RAB38: variants seen among roughly 807,000 people sequenced by gnomAD.
RAB38 encodes the protein RAB38, member RAS oncogene family, also known as ras-related protein Rab-38.
Under a neutral mutation model 18.4 loss-of-function variants are expected in RAB38, and 15 were observed. The ratio of observed to expected loss-of-function variants is 0.82; its 90% CI spans 0.55 to 1.26. The LOEUF (loss-of-function observed/expected upper bound fraction) is 1.26. Ranked by LOEUF, RAB38 falls within the 50% of genes most tolerant of loss-of-function variation. The probability of loss-of-function intolerance (pLI) is 0.00; values close to 1 mark genes in which losing one functional copy is unlikely to be tolerated. For missense variants in RAB38, 294 were observed against 267.4 expected (o/e 1.10, Z -0.69); for synonymous variants, 101 against 104.4 (o/e 0.97, Z 0.20).
intron 1 of RAB38, among the ~76,000 whole-genome samples, chr11:88,157,181 C>A (rs1943137620): frequency 1.3e-5 from 2 of 152,118 alleles, no homozygotes; most frequent in Non-Finnish European, 2.9e-5. Flanking sequence ...CAAAAAAGAG[C>A]CCAGGTTGTC....
chr11:88,135,974 T>C (rs1045300664), intron 2 of RAB38, among the ~76,000 whole-genome samples: 2 of 152,216 alleles, frequency 1.3e-5, no homozygotes, highest in African/African-American at 4.8e-5. Flanking sequence ...AAGAGAGAAC[T>C]TCTTTCCTCC....
At chr11:87,848,912 C>T in the RAB38 span, among the ~76,000 whole-genome samples, 1 of 152,016 alleles carries the variant, frequency 6.6e-6, no homozygotes, top group Non-Finnish European at 1.5e-5. Context: ...TAATGCCAAC[C>T]CCAATGTGGC....
chr11:88,046,181 C>T, the RAB38 span, among the ~76,000 whole-genome samples: 1 of 152,156 alleles, frequency 6.6e-6, no homozygotes, highest in Admixed American at 6.5e-5. Flanking sequence ...AATATCCCAT[C>T]CCGCAGCACG....
At chr11:88,106,904 T>C in the RAB38 span, among the ~76,000 whole-genome samples, 1 of 152,156 alleles carries the variant, frequency 6.6e-6, no homozygotes, top group Non-Finnish European at 1.5e-5. Flanking sequence ...TTTAAATTCA[T>C]ACAAAATGCT....
At chr11:88,174,025 C>A in intron 1 of RAB38, 1 of 985,408 alleles carries the variant, frequency 1.0e-6, no homozygotes, top group African/African-American at 1.7e-5. Flanking sequence ...GGGTCCAGCA[C>A]TTATAACGAA....
chr11:88,020,012 G>A, the RAB38 span, among the ~76,000 whole-genome samples: 2 of 152,138 alleles, frequency 1.3e-5, 1 homozygote, highest in Non-Finnish European at 2.9e-5. Flanking sequence ...CTCATTTAAT[G>A]AGTATATATG....
At chr11:87,811,465 C>T in the RAB38 span, among the ~76,000 whole-genome samples, 2 of 152,144 alleles carry the variant, frequency 1.3e-5, no homozygotes, top group African/African-American at 4.8e-5. Context: ...ACACAATTGG[C>T]CTCTTCTTAC....
chr11:87,818,048 C>T, the RAB38 span, among the ~76,000 whole-genome samples: 9 of 152,102 alleles, frequency 5.9e-5, no homozygotes, highest in African/African-American at 2.2e-4. Context: ...AATCTTTTGT[C>T]CCATACTATT....
intron 2 of RAB38, among the ~76,000 whole-genome samples, chr11:88,146,827 C>T (rs2134822214): frequency 6.6e-6 from 1 of 152,232 alleles, no homozygotes; most frequent in East Asian, 1.9e-4. Flanking sequence ...ACAATAAGGC[C>T]TTGTACTCTC....
intron 1 of RAB38, chr11:88,167,160 G>A (rs1449561263): frequency 6.6e-6 from 1 of 152,130 alleles, no homozygotes; most frequent in African/African-American, 2.4e-5. Flanking sequence ...GATATTGATA[G>A]AGTGAAAAGG....
chr11:88,047,750 C>T, the RAB38 span, among the ~76,000 whole-genome samples: 4 of 152,150 alleles, frequency 2.6e-5, no homozygotes, highest in African/African-American at 4.8e-5. Context: ...ATGCTTATGC[C>T]GGTAAGATAG....
At chr11:87,924,805 C>T in the RAB38 span, among the ~76,000 whole-genome samples, 5 of 151,962 alleles carry the variant, frequency 3.3e-5, no homozygotes, top group African/African-American at 1.2e-4. Context: ...AAACCAATGC[C>T]TACCTTATTC....
the RAB38 span, among the ~76,000 whole-genome samples, chr11:88,104,908 C>T: frequency 6.6e-6 from 1 of 152,092 alleles, no homozygotes; most frequent in Non-Finnish European, 1.5e-5. Context: ...AATCATTTAT[C>T]AAATCCCTTC....
the RAB38 span, among the ~76,000 whole-genome samples, chr11:88,054,830 A>G: frequency 8.7e-3 from 1,331 of 152,336 alleles, 18 homozygotes; most frequent in African/African-American, 0.031. Flanking sequence ...GTAATTGCAC[A>G]GCGTTATCAG....
chr11:87,958,525 T>A, the RAB38 span, among the ~76,000 whole-genome samples: 8 of 152,232 alleles, frequency 5.3e-5, no homozygotes, highest in African/African-American at 1.9e-4. Flanking sequence ...GCGAGGCTCT[T>A]AGCAATGTTA....
the RAB38 span, chr11:87,817,313 A>C: frequency 6.6e-6 from 1 of 152,166 alleles, no homozygotes; most frequent in Non-Finnish European, 1.5e-5. Flanking sequence ...GATAATTTTC[A>C]ATGTATTCAT....
At chr11:88,059,168 G>A in the RAB38 span, among the ~76,000 whole-genome samples, 2 of 82,192 alleles carry the variant, frequency 2.4e-5, no homozygotes, top group African/African-American at 1.1e-4. Context: ...AGTGTTGTGG[G>A]CATAAAATAA....
chr11:87,901,465 T>C, the RAB38 span, among the ~76,000 whole-genome samples: 1 of 151,612 alleles, frequency 6.6e-6, no homozygotes, highest in Non-Finnish European at 1.5e-5. Flanking sequence ...TTCTAAAGAA[T>C]TTTATCCTCC....
intron 1 of RAB38, 108 bp from the exon 2 acceptor site, chr11:88,150,063 C>G (rs1048734866): frequency 8.8e-7 from 1 of 1,141,818 alleles, no homozygotes; most frequent in African/African-American, 1.6e-5. Context: ...TAAAGTGCTT[C>G]GTCTTTACTG....
Sources: gnomAD v4.1 joint callset for allele counts (sites outside exome capture counted in the v4.1 genomes callset) on GRCh38, gnomAD v4.1.1 for gene constraint, MANE v1.5 for transcripts, NCBI Gene and HGNC (gene_info 2026-07-23, HGNC 2026-07-21) for gene names.